Variants in MPDZ observed in about 807,000 individuals in gnomAD.
MPDZ encodes multiple PDZ domain crumbs cell polarity complex component.
Under a neutral mutation model 239.1 loss-of-function variants are expected in MPDZ, and 234 were observed. The observed-to-expected ratio is 0.98, with a 90% CI of 0.88 to 1.09. The LOEUF is 1.09. MPDZ is among the 50% of genes least tolerant of loss of function. MPDZ has a pLI of 0.00. For missense variants in MPDZ, 3,175 were observed against 2,510.0 expected, an observed-to-expected ratio of 1.26 and a Z score of -5.66; for synonymous variants, 1,048 against 881.3, an observed-to-expected ratio of 1.19 and a Z score of -3.35.
intron 35 of MPDZ, among the ~76,000 whole-genome samples, chr9:13,123,909 C>T (rs929648925): frequency 1.3e-5 from 2 of 152,058 alleles, no homozygotes; most frequent in African/African-American, 4.8e-5. Flanking sequence ...TTTATACATT[C>T]AGATGTCAAA....
At chr9:13,120,619 TTC>T (rs1306795415) in intron 38 of MPDZ, 3 of 152,228 alleles carry the variant, frequency 2.0e-5, no homozygotes, top group Non-Finnish European at 4.4e-5. Context: ...GCTAAATTCT[TTC>T]TGTGTTTAAA....
At chr9:13,187,619 C>G (rs549786257) in intron 17 of MPDZ, among the ~76,000 whole-genome samples, 1 of 152,122 alleles carries the variant, frequency 6.6e-6, no homozygotes, top group African/African-American at 2.4e-5. Flanking sequence ...CTGAAATTCT[C>G]TGTGGACTAA....
At chr9:13,219,509 T>A in intron 8 of MPDZ, 50 bp downstream of exon 8, 2 of 1,512,344 alleles carry the variant, frequency 1.3e-6, no homozygotes, top group Non-Finnish European at 1.8e-6. Flanking sequence ...ACTGTCGTCA[T>A]CTAAGTGTTA....
chr9:13,139,967 A>G lies in MPDZ; in HGVS notation c.4003+20T>C, dbSNP rs774523531. ...TTTAATACCTCTTACAATTAAATGCATCACAAAAACACAACTTACTCCAGC... is the reference window on the plus strand; with the variant it reads ...TTTAATACCTCTTACAATTAAATGCGTCACAAAAACACAACTTACTCCAGC... On this transcript the variant is annotated intron_variant, in intron 28 of 46. Coordinates refer to ENST00000319217, the MANE Select transcript of MPDZ (RefSeq NM_001378778.1). The G allele has an allele frequency of 1.2e-5, 20 of 1,613,400 alleles. No individual in the cohort carries two copies. The highest frequency in any genetic ancestry group is 1.7e-5 in the Non-Finnish European group (20 of 1,179,486).
Position 13,192,360 on chromosome 9 carries a change from ATTTT to A in MPDZ, c.1804-69_1804-66del, listed in dbSNP as rs200746795. On this transcript the variant is annotated intron_variant, in intron 14 of 46. Transcript: ENST00000319217. The stretch of plus-strand genomic sequence containing the variant: ...TAATATGAACATTCTTTTGAACACA[ATTTT>A]TTTATTAAATATAAATTTTACTATA... 8 of 1,380,390 alleles carry A rather than the reference ATTTT, an allele frequency of 5.8e-6. No homozygotes were observed. The African/African-American group carries it at 8.7e-5, about 15-fold the overall frequency. 85.5% of individuals were successfully genotyped at this position (1,380,390 alleles called of 1,614,324 possible). A position where few individuals can be genotyped will look rare whatever the true frequency, so the allele number is the denominator to read the frequency against.
At chr9:13,149,660 TA>T (rs1948893018) in intron 25 of MPDZ, among the ~76,000 whole-genome samples, 1 of 152,098 alleles carries the variant, frequency 6.6e-6, no homozygotes, top group Non-Finnish European at 1.5e-5. Flanking sequence ...GAGCCTGTTA[TA>T]GCACCTGGAA....
chr9:13,119,616 G>A lies in MPDZ; in HGVS notation c.5265C>T (p.Val1755=). ...CATCGGCATCTGCAATTCCTCCTTT[G>A]ACAATGTCTGACACAAATACTCCAG... ...NDTGVFVSDI[V]KGGIADADGR... The change falls in exon 39 of 47, where the codon GTC becomes GTT. Residue 1755 remains valine, a synonymous_variant. Coordinates refer to ENST00000319217, the MANE Select transcript of MPDZ (RefSeq NM_001378778.1). 1.9e-6 allele frequency: 3 copies of A among 1,613,824 alleles called. No individual in the cohort carries two copies. Among genetic ancestry groups the A allele is most frequent in the Non-Finnish European group, 2.5e-6 (3 of 1,179,838 alleles).
At chr9:13,189,348 T>C (rs1435062406) in intron 16 of MPDZ, among the ~76,000 whole-genome samples, 4 of 152,112 alleles carry the variant, frequency 2.6e-5, no homozygotes, top group Admixed American at 6.6e-5. Context: ...AACAAAAGCA[T>C]TGTTAAATAG....
intron 22 of MPDZ, chr9:13,165,384 A>G (rs1288913613): frequency 6.5e-7 from 1 of 1,549,574 alleles, no homozygotes; most frequent in Non-Finnish European, 8.7e-7. Flanking sequence ...AGGGGGCTCG[A>G]TCGTCAGCAG....
At chr9:13,259,309 G>C (rs535367926) in intron 1 of MPDZ, among the ~76,000 whole-genome samples, 1 of 151,886 alleles carries the variant, frequency 6.6e-6, no homozygotes, top group South Asian at 2.1e-4. Flanking sequence ...ACTCCAGCCT[G>C]GGCAACAGAG....
intron 3 of MPDZ, among the ~76,000 whole-genome samples, chr9:13,233,583 T>C (rs1037857777): frequency 1.6e-4 from 25 of 152,154 alleles, no homozygotes; most frequent in African/African-American, 6.0e-4. Context: ...GGGTTACATG[T>C]ATATTTAATT....
In MPDZ at chr9:13,148,979, T is replaced by A. The variant is rs1371851037; in HGVS notation, c.3631-1321A>T. ...TGAGAGCAAATTATGACCATTCTTG[T>A]CTACAAAAAAAAAAAAATCTCTTTT... is the stretch of plus-strand genomic sequence containing the variant. On this transcript the variant is annotated intron_variant, in intron 25 of 46. Transcript: ENST00000319217. Among the ~76,000 whole-genome samples, 5 of 151,132 alleles carry A rather than the reference T, an allele frequency of 3.3e-5. No individual in the cohort carries two copies. The East Asian group carries it at 9.6e-4, about 29-fold the overall frequency.
At chr9:13,112,178 A>G (rs1290946726) in intron 42 of MPDZ, 32 bp from the exon 43 acceptor site, 1 of 1,579,200 alleles carries the variant, frequency 6.3e-7, no homozygotes, top group Admixed American at 1.8e-5. Flanking sequence ...ATTTTGGTCA[A>G]AGTGATATTT....
rs772892031 is a variant in MPDZ at position 13,158,008 on chromosome 9, T to C, written c.3452+10A>G. 9.3e-6 allele frequency: 15 copies of C among 1,609,776 alleles called. No individual in the cohort carries two copies. The highest frequency in any genetic ancestry group is 2.2e-5 in the East Asian group (1 of 44,674). ...CCATTGGGTGGACAGAAGACAGAAA[T>C]AGTCCTTACCGCCTGGGCTGATTCC... On this transcript the variant is annotated intron_variant, in intron 24 of 46. Transcript: ENST00000319217.
At chr9:13,274,660 C>A (rs1973760751) in intron 1 of MPDZ, 2 of 151,416 alleles carry the variant, frequency 1.3e-5, no homozygotes, top group South Asian at 2.1e-4. Flanking sequence ...ACATAAATTC[C>A]CTTTTATTAA....
At chr9:13,162,266 A>G (rs944435203) in intron 23 of MPDZ, among the ~76,000 whole-genome samples, 1 of 146,380 alleles carries the variant, frequency 6.8e-6, no homozygotes, top group African/African-American at 2.6e-5. Context: ...TCTGCCTCAA[A>G]AAAAAAAAAA....
chr9:13,224,578 A>G lies in MPDZ; in HGVS notation c.189T>C (p.Asn63=), dbSNP rs369522426. 6.2e-6 allele frequency: 10 copies of G among 1,605,656 alleles called. No individual in the cohort carries two copies. The African/African-American group carries it at 1.2e-4, about 19-fold the overall frequency. Reference sequence around the variant, plus strand: ...TATTTGAAGTTGCTGAAGTTGCAATATTTACCTAAGAGTAATGCAGGGATT... The same window carrying G: ...TATTTGAAGTTGCTGAAGTTGCAATGTTTACCTAAGAGTAATGCAGGGATT... ...TSVQQLKDQV[N]IATSATSNIE... is the part of the protein sequence containing the mutation. Residue 63 remains asparagine, a synonymous_variant, in exon 4 of 47, where the codon AAT becomes AAC. Coordinates refer to ENST00000319217, the MANE Select transcript of MPDZ (RefSeq NM_001378778.1).
At chr9:13,242,390 T>A (rs1271979716) in intron 3 of MPDZ, among the ~76,000 whole-genome samples, 1 of 152,010 alleles carries the variant, frequency 6.6e-6, no homozygotes, top group African/African-American at 2.4e-5. Flanking sequence ...CACGCTCGGC[T>A]AATTTTTGTA....
At chr9:13,132,468 G>T (rs1449611663) in intron 32 of MPDZ, among the ~76,000 whole-genome samples, 1 of 152,136 alleles carries the variant, frequency 6.6e-6, no homozygotes, top group Non-Finnish European at 1.5e-5. Flanking sequence ...CTGAGTAGGG[G>T]ATTAAGATGC....
Sources: allele counts gnomAD v4.1 joint callset (sites outside exome capture counted in the v4.1 genomes callset), GRCh38; gene constraint gnomAD v4.1.1; transcripts MANE v1.5; gene names NCBI Gene and HGNC (gene_info 2026-07-23, HGNC 2026-07-21).